Variants in DYNC2H1 observed in about 807,000 individuals in gnomAD.
DYNC2H1 encodes the protein cytoplasmic dynein 2 heavy chain 1.
A neutral mutation model predicts 570.0 loss-of-function variants in DYNC2H1; 410 were observed. The observed-to-expected ratio is 0.72, with a 90% CI of 0.66 to 0.78. The LOEUF (loss-of-function observed/expected upper bound fraction) is 0.78. Ranked by LOEUF, DYNC2H1 falls within the 30% of genes least tolerant of loss-of-function variation. The pLI is 0.00. For missense variants in DYNC2H1, 4,865 were observed against 5,046.4 expected (o/e 0.96, Z 1.09); for synonymous variants, 1,688 against 1,677.6 (o/e 1.01, Z -0.15).
At chr11:103,166,990 C>CTTTTTTTTTTTTTTTTT (rs34816989) in intron 31 of DYNC2H1, among the ~76,000 whole-genome samples, 7 of 56,988 alleles carry the variant, frequency 1.2e-4, no homozygotes, top group African/African-American at 2.1e-4. Flanking sequence ...GAGGCGCTGC[C>CTTTTTTTTTTTTTTTTT]TTTTTTTTTT....
intron 80 of DYNC2H1, among the ~76,000 whole-genome samples, chr11:103,318,176 C>A (rs1455142547): frequency 2.6e-5 from 4 of 152,104 alleles, no homozygotes; most frequent in Non-Finnish European, 4.4e-5. Context: ...AAAGTACTTA[C>A]AAGATTATGG....
chr11:103,266,372 CT>C (rs1257494467), intron 70 of DYNC2H1, among the ~76,000 whole-genome samples: 1 of 152,082 alleles, frequency 6.6e-6, no homozygotes. Context: ...GGCAGGGCCC[CT>C]GTGGGTGCAG....
At chr11:103,278,008 C>T (rs1004714396) in intron 70 of DYNC2H1, among the ~76,000 whole-genome samples, 18 of 152,056 alleles carry the variant, frequency 1.2e-4, no homozygotes. Flanking sequence ...TAGGTTGTGC[C>T]CTAGGTTACC....
Position 103,120,585 on chromosome 11 carries a change from G to GTA in DYNC2H1, c.1134+12_1134+13dup. 1.2e-6 allele frequency: 2 copies of GTA among 1,608,862 alleles called. No homozygotes were observed. The highest frequency in any genetic ancestry group is 1.7e-6 in the Non-Finnish European group (2 of 1,177,780). Reference sequence around the variant, plus strand: ...GCAATATAATCCATATACTGAGGTTGTATATATATTTGTTTATGTCTGTAC... The same window carrying GTA: ...GCAATATAATCCATATACTGAGGTTGTATATATATATTTGTTTATGTCTGTAC... On this transcript the variant is annotated splice_donor_region_variant and intron_variant, in intron 7 of 88. Transcript: ENST00000375735.
chr11:103,289,730 C>T lies in DYNC2H1; in HGVS notation c.11095+2125C>T, dbSNP rs1287572601. Among the ~76,000 whole-genome samples the T allele has an allele frequency of 6.6e-6, 1 of 152,080 alleles. No homozygotes were observed. The highest frequency in any genetic ancestry group is 2.4e-5 in the African/African-American group (1 of 41,422). On this transcript the variant is annotated intron_variant, in intron 75 of 88. Transcript: ENST00000375735. This position sits in a 1 kb window ranked among gnomAD's most constrained non-coding sequence, Gnocchi z 4.2. ...GAGCTGTGATTCTGTCACCACATCC[C>T]AGCGTGGACAGCAGAGCAAGACCTC...
chr11:103,213,999 T>C (rs1863268555), intron 54 of DYNC2H1, among the ~76,000 whole-genome samples: 1 of 152,200 alleles, frequency 6.6e-6, no homozygotes, highest in Admixed American at 6.5e-5. Flanking sequence ...TTGAGTTGAT[T>C]TTTTGTATAT....
intron 68 of DYNC2H1, among the ~76,000 whole-genome samples, chr11:103,257,279 T>C (rs1173963272): frequency 6.6e-6 from 1 of 152,166 alleles, no homozygotes; most frequent in Non-Finnish European, 1.5e-5. Context: ...GGCACCTTGA[T>C]CTTGGACTTC....
At chr11:103,172,962 A>G in intron 34 of DYNC2H1, 120 bp from the exon 35 acceptor site, 1 of 455,494 alleles carries the variant, frequency 2.2e-6, no homozygotes. Context: ...ATATGTCACA[A>G]TAAAATTCTG....
In DYNC2H1 at chr11:103,203,567, G is replaced by A; in HGVS notation, c.8198-96G>A. 1.4e-6 allele frequency: 1 copy of A among 722,200 alleles called. No homozygotes were observed. Among genetic ancestry groups the A allele is most frequent in the South Asian group, 2.3e-5 (1 of 44,334 alleles). The allele number at this position is 722,200 out of a possible 1,614,324, so 44.7% of individuals were successfully genotyped here. ...AGGTAATAAAGTTTGTATATTTTTG[G>A]AAATAAAGATTGAATAAGAGCAGAT... On this transcript the variant is annotated intron_variant, in intron 50 of 88. Coordinates refer to ENST00000375735, the MANE Select transcript of DYNC2H1 (RefSeq NM_001377.3). The surrounding 1 kb of genome is among the most constrained non-coding windows in gnomAD (Gnocchi z 4.7).
intron 75 of DYNC2H1, among the ~76,000 whole-genome samples, chr11:103,293,133 T>G (rs1343372544): frequency 1.3e-5 from 2 of 152,172 alleles, no homozygotes; most frequent in African/African-American, 2.4e-5. Context: ...AGCTTTTGTT[T>G]GCCTGGGAAA....
At chr11:103,137,268 T>C (rs1027137182) in intron 17 of DYNC2H1, among the ~76,000 whole-genome samples, 3 of 147,110 alleles carry the variant, frequency 2.0e-5, no homozygotes, top group African/African-American at 7.5e-5. Context: ...TTGTTGCCAT[T>C]GCTTTTGGTG....
intron 66 of DYNC2H1, 42 bp from the exon 67 acceptor site, chr11:103,255,373 A>C (rs962978597): frequency 2.3e-5 from 35 of 1,529,062 alleles, no homozygotes; most frequent in Non-Finnish European, 3.0e-5. Context: ...TTTTGTTTTA[A>C]GCCTTATTGC....
Position 103,146,932 on chromosome 11 carries a change from G to A in DYNC2H1, c.2703-840G>A, listed in dbSNP as rs112897033. On this transcript the variant is annotated intron_variant, in intron 18 of 88. Transcript: ENST00000375735. ...ATTTTTATGGAATACTATTTCATCG[G>A]TATTTTTCCATGTTATCATCTGCAC... Among the ~76,000 whole-genome samples the A allele has an allele frequency of 3.2e-3, 493 of 151,940 alleles. 3 individuals are homozygous for A. The highest frequency in any genetic ancestry group is 0.011 in the African/African-American group (473 of 41,446).
intron 85 of DYNC2H1, among the ~76,000 whole-genome samples, chr11:103,440,518 A>T (rs1256924203): frequency 6.6e-6 from 1 of 152,140 alleles, no homozygotes; most frequent in Admixed American, 6.6e-5. Flanking sequence ...TTTGTTGTTT[A>T]TATCAACTAT....
In DYNC2H1 at chr11:103,303,104, G is replaced by T. The variant is rs751428820; in HGVS notation, c.11107G>T (p.Val3703Leu). 105 of 1,558,462 alleles carry T rather than the reference G, an allele frequency of 6.7e-5. No homozygotes were observed. Among genetic ancestry groups the T allele is most frequent in the Non-Finnish European group, 8.4e-5 (97 of 1,151,918 alleles). Residue 3703 changes from valine (V) to leucine (L), a missense_variant, in exon 76 of 89, where the codon GTG (valine) becomes TTG (leucine). Around this residue, in one of 5 missense-constraint regions of DYNC2H1, gnomAD observed 2,401 missense variants for 2,454.6 expected, o/e 0.98. Coordinates refer to ENST00000375735, the MANE Select transcript of DYNC2H1 (RefSeq NM_001377.3). ...FACKTLGLKE[V>L]SPLPLNLKRL... is the part of the protein sequence containing the mutation. ...AATATATATTTTAGGACTGAAAGAG[G>T]TGTCCCCACTGCCTCTAAATCTCAA...
chr11:103,135,938 A>C lies in DYNC2H1; in HGVS notation c.2564A>C (p.His855Pro), dbSNP rs762644833. ...TTTAGAAGATTGTCAGCTGTTTTACACCAACATAAGGTATAGAACATGTAA... is the reference window on the plus strand; with the variant it reads ...TTTAGAAGATTGTCAGCTGTTTTACCCCAACATAAGGTATAGAACATGTAA... ...DLFRRLSAVL[H>P]QHKEWIVIGQ... Residue 855 changes from histidine (H) to proline (P), a missense_variant, in exon 17 of 89, where the codon CAC (histidine) becomes CCC (proline). Coordinates refer to ENST00000375735, the MANE Select transcript of DYNC2H1 (RefSeq NM_001377.3). 1.9e-6 allele frequency: 3 copies of C among 1,605,820 alleles called. No individual in the cohort carries two copies. The East Asian group carries it at 6.7e-5, about 36-fold the overall frequency.
At chr11:103,444,209 G>T (rs1755117327) in intron 85 of DYNC2H1, among the ~76,000 whole-genome samples, 1 of 151,212 alleles carries the variant, frequency 6.6e-6, no homozygotes, top group African/African-American at 2.4e-5. Flanking sequence ...CATAAGTTCT[G>T]AAATCTTTAA....
intron 66 of DYNC2H1, 76 bp downstream of exon 66, chr11:103,253,524 G>C: frequency 7.3e-7 from 1 of 1,374,986 alleles, no homozygotes; most frequent in Non-Finnish European, 9.9e-7. Flanking sequence ...TGAGTGAGAA[G>C]CTATTTTGTT....
Position 103,204,845 on chromosome 11 carries a change from G to T in DYNC2H1, c.8335G>T (p.Val2779Phe). Residue 2779 changes from valine to phenylalanine, a missense_variant, in exon 52 of 89, where the codon GTC (valine) becomes TTC (phenylalanine). Physicochemically the swap from Val to Phe is conservative, Grantham distance 50 (BLOSUM62 -1). Coordinates refer to ENST00000375735, the MANE Select transcript of DYNC2H1 (RefSeq NM_001377.3). This position sits in a 1 kb window ranked among gnomAD's most constrained non-coding sequence, Gnocchi z 4.1. ...AGGAATTCAGCAAAACTTGCATATT[G>T]TCTTGATAATGGATTCTGCAAATTC... is the stretch of plus-strand genomic sequence containing the variant. ...TYRIQQNLHIVLIMDSANSNF... is the reference protein window; with the variant it reads ...TYRIQQNLHIFLIMDSANSNF... 2 of 1,587,886 alleles carry T rather than the reference G, an allele frequency of 1.3e-6. No individual in the cohort carries two copies. Among genetic ancestry groups the T allele is most frequent in the Non-Finnish European group, 1.7e-6 (2 of 1,165,852 alleles).
Sources: gnomAD v4.1 joint callset for allele counts (sites outside exome capture counted in the v4.1 genomes callset) on GRCh38, gnomAD v4.1.1 for gene constraint, gnomAD v4.1.1 regional missense constraint, Gnocchi (gnomAD v3.1) non-coding constraint, MANE v1.5 for transcripts, NCBI Gene and HGNC (gene_info 2026-07-23, HGNC 2026-07-21) for gene names.